HIF3A: variants seen among roughly 807,000 people sequenced by gnomAD.
HIF3A encodes hypoxia inducible factor 3 subunit alpha.
Under a neutral mutation model 67.2 loss-of-function variants are expected in HIF3A, and 41 were observed. That is an observed-to-expected ratio of 0.61 (90% CI 0.48 to 0.79). HIF3A has a LOEUF of 0.79. Ranked by LOEUF, HIF3A falls within the 30% of genes least tolerant of loss-of-function variation. HIF3A has a pLI of 0.00. For missense variants in HIF3A, 855 were observed against 898.0 expected, an observed-to-expected ratio of 0.95 and a Z score of 0.61; for synonymous variants, 356 against 374.8, an observed-to-expected ratio of 0.95 and a Z score of 0.58.
chr19:46,329,534 CCT>C, intron 12 of HIF3A, 56 bp downstream of exon 12: 1 of 1,443,344 alleles, frequency 6.9e-7, no homozygotes, highest in Non-Finnish European at 9.1e-7. Context: ...CCGTCTTGCC[CCT>C]GCCTCCTGCT....
In HIF3A at chr19:46,297,708, A is replaced by G. The variant is rs1967969315; in HGVS notation, c.26+606A>G. On this transcript the variant is annotated intron_variant, in intron 1 of 14. Transcript: ENST00000377670. This position sits in a 1 kb window ranked among gnomAD's most constrained non-coding sequence, Gnocchi z 4.5. ...TGGGCAGAGGGGAGCCCCTTTCAGA[A>G]GCCGTCTGGGACCCTTCCCAAGAGA... 6.6e-6 allele frequency among the ~76,000 whole-genome samples: 1 copy of G among 152,052 alleles called. No homozygotes were observed. The highest frequency in any genetic ancestry group is 1.5e-5 in the Non-Finnish European group (1 of 67,984).
intron 12 of HIF3A, among the ~76,000 whole-genome samples, chr19:46,330,882 G>C (rs956200413): frequency 2.0e-5 from 3 of 151,966 alleles, no homozygotes; most frequent in Admixed American, 6.6e-5. Context: ...TGGATGGCTG[G>C]GTGGAAGGAT....
At chr19:46,316,760 A>AATGAGTG (rs1969944987) in intron 8 of HIF3A, among the ~76,000 whole-genome samples, 1 of 148,922 alleles carries the variant, frequency 6.7e-6, no homozygotes, top group Non-Finnish European at 1.5e-5. Flanking sequence ...TGGAGATCAG[A>AATGAGTG]CCACTGCACT....
intron 8 of HIF3A, among the ~76,000 whole-genome samples, chr19:46,318,549 A>T (rs1253495208): frequency 1.3e-5 from 1 of 74,814 alleles, no homozygotes; most frequent in Non-Finnish European, 2.7e-5. Flanking sequence ...ATCCTGTCTC[A>T]AAAAAAAAAA....
chr19:46,298,920 T>C (rs1281290820), intron 1 of HIF3A, among the ~76,000 whole-genome samples: 3 of 151,916 alleles, frequency 2.0e-5, no homozygotes, highest in South Asian at 4.1e-4. Context: ...GGTGTCAGAA[T>C]AGAAAAGCCC....
At chr19:46,332,571 C>G (rs117583762) in intron 13 of HIF3A, among the ~76,000 whole-genome samples, 1,716 of 152,288 alleles carry the variant, frequency 0.011, 13 homozygotes, top group Non-Finnish European at 0.019. Context: ...CCAGCCTGGA[C>G]TATGTCACTT....
At chr19:46,308,445 C>T (rs1420620274) in intron 4 of HIF3A, 140 bp downstream of exon 4, 1 of 670,684 alleles carries the variant, frequency 1.5e-6, no homozygotes, top group Non-Finnish European at 2.6e-6. Flanking sequence ...GCCCTGGGGT[C>T]TATGGGGACA....
intron 13 of HIF3A, 179 bp downstream of exon 13, chr19:46,331,452 T>C: frequency 3.2e-6 from 1 of 313,792 alleles, no homozygotes; most frequent in Non-Finnish European, 6.3e-6. Flanking sequence ...ATTAAAAACC[T>C]CTGCAGTGAA....
chr19:46,333,856 G>T (rs1418958258), intron 13 of HIF3A, among the ~76,000 whole-genome samples: 1 of 133,136 alleles, frequency 7.5e-6, no homozygotes, highest in Non-Finnish European at 1.5e-5. Flanking sequence ...GCAGTGGCGC[G>T]ATCTCGGCTC....
chr19:46,337,306 A>G (rs1186133446), intron 14 of HIF3A, among the ~76,000 whole-genome samples: 1 of 152,058 alleles, frequency 6.6e-6, no homozygotes, highest in Admixed American at 6.6e-5. Flanking sequence ...GCTGGAGCAC[A>G]GTGGTGCGAT....
chr19:46,322,304 G>A lies in HIF3A; in HGVS notation c.1335+338G>A, dbSNP rs1036468325. Among the ~76,000 whole-genome samples, 79 of 152,046 alleles carry A rather than the reference G, an allele frequency of 5.2e-4. 1 individual carries two copies. The highest frequency in any genetic ancestry group is 2.2e-4 in the Non-Finnish European group (15 of 68,018). On this transcript the variant is annotated intron_variant, in intron 10 of 14. Transcript: ENST00000377670. The stretch of plus-strand genomic sequence containing the variant: ...CACACCAAGCAGCGGACACCAGCTG[G>A]GTGTCCTCCAATTCAATTCCGGCAT...
At chr19:46,314,095 CA>C (rs35805740) in intron 8 of HIF3A, among the ~76,000 whole-genome samples, 109,784 of 151,496 alleles carry the variant, frequency 0.72, 40,292 homozygotes, top group Non-Finnish European at 0.8. Flanking sequence ...TGGGTGATTA[CA>C]AAAAAACAGC....
intron 8 of HIF3A, among the ~76,000 whole-genome samples, chr19:46,315,897 G>A (rs899658100): frequency 1.3e-5 from 2 of 151,684 alleles, no homozygotes; most frequent in African/African-American, 4.9e-5. Context: ...CTGGGTGACA[G>A]AGTGAGATTC....
intron 7 of HIF3A, 110 bp downstream of exon 7, chr19:46,312,377 C>T (rs1278620765): frequency 6.2e-7 from 1 of 1,608,696 alleles, no homozygotes; most frequent in South Asian, 1.1e-5. Flanking sequence ...CCCACCTCAA[C>T]ACCAGCTCCC....
chr19:46,321,794 T>C lies in HIF3A; in HGVS notation c.1163T>C (p.Ile388Thr). 1 of 1,613,658 alleles carries C rather than the reference T, an allele frequency of 6.2e-7. No homozygotes were observed. The highest frequency in any genetic ancestry group is 1.7e-4 in the Middle Eastern group (1 of 6,058). ...CCTGCAGACACCCCTGGCCCCCGGA[T>C]CCTTGCCTTCCTGCACCCGCCTTCC... Reference protein sequence around the residue: ...GDSLDTPGPRILAFLHPPSLS... With the variant: ...GDSLDTPGPRTLAFLHPPSLS... The change falls in exon 10 of 15, where the codon ATC becomes ACC. Residue 388 changes from isoleucine to threonine, a missense_variant. Coordinates refer to ENST00000377670, the MANE Select transcript of HIF3A (RefSeq NM_152795.4).
intron 1 of HIF3A, among the ~76,000 whole-genome samples, chr19:46,302,795 G>T (rs1182086356): frequency 2.6e-5 from 4 of 152,092 alleles, no homozygotes; most frequent in African/African-American, 9.7e-5. Context: ...GATGGCTTTA[G>T]CCTAGGATAC....
At chr19:46,335,282 T>C (rs1971530321) in intron 14 of HIF3A, among the ~76,000 whole-genome samples, 1 of 151,752 alleles carries the variant, frequency 6.6e-6, no homozygotes, top group Admixed American at 6.6e-5. Flanking sequence ...ATTTATTTAT[T>C]TTTTGAGATG....
At chr19:46,336,008 T>A (rs1027704939) in intron 14 of HIF3A, among the ~76,000 whole-genome samples, 1 of 150,878 alleles carries the variant, frequency 6.6e-6, no homozygotes, top group African/African-American at 2.4e-5. Flanking sequence ...ACCACTGTAC[T>A]CCAACCTGCG....
At chr19:46,308,100 A>G (rs879679648) in intron 3 of HIF3A, 121 bp from the exon 4 acceptor site, 5 of 775,174 alleles carry the variant, frequency 6.5e-6, no homozygotes, top group Non-Finnish European at 1.2e-5. Flanking sequence ...ATGGATGGAT[A>G]AATGAATGGG....
Sources: gnomAD v4.1 joint callset for allele counts (sites outside exome capture counted in the v4.1 genomes callset) on GRCh38, gnomAD v4.1.1 for gene constraint, Gnocchi (gnomAD v3.1) non-coding constraint, MANE v1.5 for transcripts, NCBI Gene and HGNC (gene_info 2026-07-23, HGNC 2026-07-21) for gene names.